Variants in NELFA observed in about 807,000 individuals in gnomAD.
NELFA encodes negative elongation factor complex member A.
In NELFA, 35 loss-of-function variants were observed where a neutral mutation model predicts 51.8. That is an observed-to-expected ratio of 0.68 (90% CI 0.52 to 0.90). The LOEUF (loss-of-function observed/expected upper bound fraction) is 0.90, where lower values mean the gene tolerates loss of function less well. Among genes scored for constraint, NELFA ranks in the 40% least tolerant of loss-of-function variants. NELFA has a pLI of 0.00. For missense variants in NELFA, 658 were observed against 746.4 expected, an observed-to-expected ratio of 0.88 and a Z score of 1.38; for synonymous variants, 417 against 338.4, an observed-to-expected ratio of 1.23 and a Z score of -2.55.
Position 1,989,970 on chromosome 4 carries a change from G to GT in NELFA, c.383-102dup, listed in dbSNP as rs1412119970. The GT allele has an allele frequency of 2.8e-6, 4 of 1,432,858 alleles. No homozygotes were observed. The African/African-American group carries it at 5.7e-5, about 20-fold the overall frequency. 88.8% of individuals were successfully genotyped at this position (1,432,858 alleles called of 1,614,324 possible). On this transcript the variant is annotated intron_variant, in intron 2 of 10. Coordinates refer to ENST00000382882, the MANE Select transcript of NELFA (RefSeq NM_005663.5). The surrounding 1 kb of genome is among the most constrained non-coding windows in gnomAD (Gnocchi z 4.8). Reference sequence around the variant, plus strand: ...CAGCCCCACACCCTCCTCAGTTAGGGTTAGGTCATGGGAGCTTCGGCTGTC... The same window carrying GT: ...CAGCCCCACACCCTCCTCAGTTAGGGTTTAGGTCATGGGAGCTTCGGCTGTC...
At chr4:2,004,867 G>A (rs949199063) in intron 1 of NELFA, among the ~76,000 whole-genome samples, 8 of 146,540 alleles carry the variant, frequency 5.5e-5, no homozygotes, top group African/African-American at 7.7e-5. Context: ...GTGCAGTGGC[G>A]CGATCTCAGC....
At position 1,983,159 on chromosome 4, in the gene NELFA, C is replaced by T. The variant is rs1370593123; in HGVS notation, c.*160G>A. ...TTTTAAAAATAAGCCCCAAATACCC[C>T]AGAGAAATGCATCCAGAACTTAAAA... On this transcript the variant is annotated 3_prime_UTR_variant, in exon 11 of 11. Transcript: ENST00000382882. 2 of 605,348 alleles carry T rather than the reference C, an allele frequency of 3.3e-6. No homozygotes were observed. Among genetic ancestry groups the T allele is most frequent in the Non-Finnish European group, 5.5e-6 (2 of 364,494 alleles). 37.5% of individuals were successfully genotyped at this position (605,348 alleles called of 1,614,324 possible).
At chr4:1,994,916 C>T (rs1728381844) in intron 1 of NELFA, among the ~76,000 whole-genome samples, 1 of 151,976 alleles carries the variant, frequency 6.6e-6, no homozygotes, top group African/African-American at 2.4e-5. Context: ...TGTAGAATTT[C>T]ATTCAGAAAC....
intron 1 of NELFA, chr4:1,992,541 C>T (rs1229043572): frequency 2.7e-6 from 1 of 367,546 alleles, no homozygotes; most frequent in South Asian, 1.8e-5. Context: ...TGTGAGACAG[C>T]TGGGCTGGCT....
intron 4 of NELFA, 198 bp downstream of exon 4, chr4:1,987,720 A>G (rs1283319407): frequency 3.5e-6 from 2 of 567,486 alleles, no homozygotes; most frequent in East Asian, 6.0e-5. Context: ...CTCCGTGCCC[A>G]CACATCCTCC....
chr4:1,991,900 G>A (rs1384388094), intron 1 of NELFA, 185 bp from the exon 2 acceptor site: 2 of 595,984 alleles, frequency 3.4e-6, no homozygotes, highest in Non-Finnish European at 5.7e-6. Context: ...TTGCTTCCCT[G>A]AGCAGCACAG....
intron 1 of NELFA, 125 bp downstream of exon 1, chr4:2,008,625 G>A (rs1728778306): frequency 2.6e-6 from 3 of 1,151,856 alleles, no homozygotes; most frequent in East Asian, 5.5e-5. Context: ...GGCCGGGGGG[G>A]TTAACAGTCT....
At position 1,989,278 on chromosome 4, in the gene NELFA, A is replaced by G. The variant is rs1019077647; in HGVS notation, c.544+430T>C. On this transcript the variant is annotated intron_variant, in intron 3 of 10. Coordinates refer to ENST00000382882, the MANE Select transcript of NELFA (RefSeq NM_005663.5). The surrounding 1 kb of genome is among the most constrained non-coding windows in gnomAD (Gnocchi z 4.8). ...TGAAGTTTTTAAAGCATGTTTTCAG[A>G]ACATAAAGTTTAATATAGTGATAAA... 3.4e-4 allele frequency among the ~76,000 whole-genome samples: 51 copies of G among 151,850 alleles called. No homozygotes were observed. Among genetic ancestry groups the G allele is most frequent in the African/African-American group, 1.1e-3 (45 of 41,320 alleles).
chr4:1,983,107 T>A lies in NELFA; in HGVS notation c.*212A>T. On this transcript the variant is annotated 3_prime_UTR_variant, in exon 11 of 11. Coordinates refer to ENST00000382882, the MANE Select transcript of NELFA (RefSeq NM_005663.5). ...CGTTGAGTCCAAAAAGTGTCTTAAA[T>A]CACACAAAAAAGAACCCATATTAAA... The A allele has an allele frequency of 2.1e-6, 1 of 470,046 alleles. No individual in the cohort carries two copies. The highest frequency in any genetic ancestry group is 3.7e-6 in the Non-Finnish European group (1 of 268,896). The allele number at this position is 470,046 out of a possible 1,614,324, so 29.1% of individuals were successfully genotyped here. A position where few individuals can be genotyped will look rare whatever the true frequency, so the allele number is the denominator to read the frequency against.
In NELFA at chr4:1,991,529, A is replaced by G; in HGVS notation, c.382+15T>C. 1 of 1,612,792 alleles carries G rather than the reference A, an allele frequency of 6.2e-7. No homozygotes were observed. Among genetic ancestry groups the G allele is most frequent in the Non-Finnish European group, 8.5e-7 (1 of 1,179,680 alleles). The stretch of plus-strand genomic sequence containing the variant: ...TTTCCCTCCACCCAACATGAATTAA[A>G]GCAGCACAACATACCCTTTTCTCTA... On this transcript the variant is annotated intron_variant, in intron 2 of 10. Coordinates refer to ENST00000382882, the MANE Select transcript of NELFA (RefSeq NM_005663.5).
intron 4 of NELFA, chr4:1,987,688 C>T (rs1406932373): frequency 3.6e-6 from 2 of 553,296 alleles, no homozygotes; most frequent in Non-Finnish European, 6.4e-6. Flanking sequence ...CCAGCACTGT[C>T]CTCAGATCCC....
chr4:2,005,965 G>A (rs1171908680), intron 1 of NELFA, among the ~76,000 whole-genome samples: 1 of 152,178 alleles, frequency 6.6e-6, no homozygotes, highest in East Asian at 1.9e-4. Context: ...AATCCCAGCA[G>A]GCAGGCTCTA....
At chr4:1,991,245 C>T (rs563664114) in intron 2 of NELFA, among the ~76,000 whole-genome samples, 1 of 152,318 alleles carries the variant, frequency 6.6e-6, no homozygotes, top group South Asian at 2.1e-4. Flanking sequence ...CCTGAATGGG[C>T]AGAGCCCCTA....
chr4:1,988,157 G>A (rs1429689095), intron 3 of NELFA, 150 bp from the exon 4 acceptor site: 8 of 652,200 alleles, frequency 1.2e-5, no homozygotes, highest in Non-Finnish European at 2.1e-5. Context: ...AGCCGGGCCT[G>A]ACACCAGCTC....
intron 1 of NELFA, among the ~76,000 whole-genome samples, chr4:1,996,030 A>G (rs1660736631): frequency 6.6e-6 from 1 of 152,206 alleles, no homozygotes; most frequent in African/African-American, 2.4e-5. Context: ...GTACAACATG[A>G]TTATACAAAT....
intron 2 of NELFA, chr4:1,990,419 TG>T: frequency 2.2e-6 from 1 of 456,702 alleles, no homozygotes; most frequent in South Asian, 1.5e-5. Flanking sequence ...GTGCCCCACC[TG>T]GAGAAAAAGC....
At chr4:1,992,341 CT>C in intron 1 of NELFA, 1 of 278,104 alleles carries the variant, frequency 3.6e-6, no homozygotes, top group Non-Finnish European at 7.3e-6. Flanking sequence ...AGGCCAGGGC[CT>C]TGGGGAGGCC....
chr4:2,000,978 G>T (rs537983831), intron 1 of NELFA, among the ~76,000 whole-genome samples: 1 of 152,198 alleles, frequency 6.6e-6, no homozygotes, highest in African/African-American at 2.4e-5. Flanking sequence ...GGGATGCAAG[G>T]CTGGTTCAAC....
intron 1 of NELFA, among the ~76,000 whole-genome samples, chr4:2,006,405 T>C (rs1728711053): frequency 6.6e-6 from 1 of 152,056 alleles, no homozygotes; most frequent in African/African-American, 2.4e-5. Flanking sequence ...GGAGACACAA[T>C]AGGCACCAAT....
Sources: allele counts gnomAD v4.1 joint callset (sites outside exome capture counted in the v4.1 genomes callset), GRCh38; gene constraint gnomAD v4.1.1; non-coding constraint Gnocchi (gnomAD v3.1); transcripts MANE v1.5; gene names NCBI Gene and HGNC (gene_info 2026-07-23, HGNC 2026-07-21).